The following RAB38 variants were observed in gnomAD, a reference collection of about 807,000 sequenced individuals.
RAB38 encodes RAB38, member RAS oncogene family, also known as ras-related protein Rab-38.
Under a neutral mutation model 18.4 loss-of-function variants are expected in RAB38, and 15 were observed. The observed-to-expected ratio is 0.82, with a 90% CI of 0.55 to 1.26. The LOEUF (loss-of-function observed/expected upper bound fraction) is 1.26. Among genes scored for constraint, RAB38 ranks in the 50% most tolerant of loss-of-function variants. The pLI, the probability that RAB38 is intolerant of heterozygous loss-of-function variation, is 0.00. For synonymous variants in RAB38, 101 were observed against 104.4 expected (o/e 0.97, Z 0.20); for missense variants, 294 against 267.4 (o/e 1.10, Z -0.69).
the RAB38 span, among the ~76,000 whole-genome samples, chr11:87,887,501 C>T: frequency 3.3e-5 from 5 of 152,032 alleles, no homozygotes; most frequent in South Asian, 8.3e-4. Context: ...AGTCTGAGCA[C>T]CCTGGGTTAA....
At chr11:88,078,306 A>G in the RAB38 span, among the ~76,000 whole-genome samples, 2 of 152,024 alleles carry the variant, frequency 1.3e-5, no homozygotes, top group Non-Finnish European at 2.9e-5. Flanking sequence ...CATCAGTTCC[A>G]CTACTGGTTA....
chr11:88,052,909 TATATATATATATATATATATATATA>T, the RAB38 span, among the ~76,000 whole-genome samples: 2 of 17,362 alleles, frequency 1.2e-4, no homozygotes, highest in East Asian at 2.7e-3. Context: ...TTCATATATA[TATATATATATATATATATATATATA>T]TATATATATA....
At chr11:88,057,179 G>A in the RAB38 span, among the ~76,000 whole-genome samples, 1 of 152,202 alleles carries the variant, frequency 6.6e-6, no homozygotes, top group African/African-American at 2.4e-5. Context: ...TGCACAGAAA[G>A]TGAGCTAAAA....
the RAB38 span, among the ~76,000 whole-genome samples, chr11:87,808,689 T>C: frequency 6.6e-6 from 1 of 152,222 alleles, no homozygotes; most frequent in Non-Finnish European, 1.5e-5. Context: ...ATAAAGCATA[T>C]GTTAATTAGC....
At chr11:88,139,398 G>C (rs1470603652) in intron 2 of RAB38, among the ~76,000 whole-genome samples, 1 of 152,124 alleles carries the variant, frequency 6.6e-6, no homozygotes, top group Admixed American at 6.5e-5. Context: ...GGGGGTAACA[G>C]CTTTTTCTTC....
At chr11:87,864,328 AAT>A in the RAB38 span, among the ~76,000 whole-genome samples, 1 of 149,932 alleles carries the variant, frequency 6.7e-6, no homozygotes, top group African/African-American at 2.4e-5. Flanking sequence ...TATTTATATT[AAT>A]ATGTTATATA....
chr11:87,946,037 G>A, the RAB38 span, among the ~76,000 whole-genome samples: 1 of 152,096 alleles, frequency 6.6e-6, no homozygotes, highest in Non-Finnish European at 1.5e-5. Flanking sequence ...ACTTGCCCAA[G>A]TTCACACATG....
chr11:87,965,292 T>TAAA, the RAB38 span, among the ~76,000 whole-genome samples: 16 of 146,798 alleles, frequency 1.1e-4, no homozygotes, highest in Admixed American at 1.4e-4. Context: ...TGTGTCTCAA[T>TAAA]AAAAAAAAAA....
the RAB38 span, among the ~76,000 whole-genome samples, chr11:87,902,095 A>G: frequency 1.3e-5 from 2 of 151,504 alleles, no homozygotes; most frequent in Non-Finnish European, 3.0e-5. Flanking sequence ...GAAAAGGATG[A>G]GTATTAATAA....
At chr11:88,008,109 A>G in the RAB38 span, among the ~76,000 whole-genome samples, 2 of 152,178 alleles carry the variant, frequency 1.3e-5, no homozygotes, top group Non-Finnish European at 2.9e-5. Context: ...AACTTTCAGA[A>G]GAAAGAAAAA....
rs187178996 is a variant in RAB38 at position 88,158,781 on chromosome 11, G to C, written c.203-8826C>G. ...AGGAACATGCCTCAACATAATAAGA[G>C]TGATCGATGACAAACCCACAGTCAA... On this transcript the variant is annotated intron_variant, in intron 1 of 2. Coordinates refer to ENST00000243662, the MANE Select transcript of RAB38 (RefSeq NM_022337.3). Among the ~76,000 whole-genome samples, 21 of 152,082 alleles carry C rather than the reference G, an allele frequency of 1.4e-4. No individual in the cohort carries two copies. In the East Asian group the frequency reaches 3.9e-3, roughly 28 times the overall value.
chr11:88,073,830 T>C, the RAB38 span, among the ~76,000 whole-genome samples: 1 of 151,618 alleles, frequency 6.6e-6, no homozygotes, highest in Non-Finnish European at 1.5e-5. Flanking sequence ...ATTGAAGAGA[T>C]TGAATAATTT....
the RAB38 span, among the ~76,000 whole-genome samples, chr11:87,833,339 T>G: frequency 6.6e-6 from 1 of 152,190 alleles, no homozygotes; most frequent in Admixed American, 6.6e-5. Context: ...CTCCTGAGTC[T>G]TTTCCCATCT....
the RAB38 span, among the ~76,000 whole-genome samples, chr11:87,806,588 GA>G: frequency 3.3e-5 from 5 of 151,896 alleles, no homozygotes; most frequent in Non-Finnish European, 4.4e-5. Flanking sequence ...AGAAATTAGG[GA>G]AAAAAATTCC....
chr11:87,806,751 A>G, the RAB38 span, among the ~76,000 whole-genome samples: 4 of 152,214 alleles, frequency 2.6e-5, 1 homozygote, highest in South Asian at 8.3e-4. Flanking sequence ...CAAGTATTTT[A>G]TTGTTTATTA....
chr11:88,005,063 T>C, the RAB38 span, among the ~76,000 whole-genome samples: 59 of 151,546 alleles, frequency 3.9e-4, no homozygotes, highest in South Asian at 0.012. Context: ...CCCAAAGCAA[T>C]TGATGAATCT....
the RAB38 span, among the ~76,000 whole-genome samples, chr11:88,016,490 T>C: frequency 1.3e-5 from 2 of 152,108 alleles, no homozygotes; most frequent in Non-Finnish European, 2.9e-5. Context: ...ATTAACTTCT[T>C]CCTGGGGGAA....
chr11:88,028,876 G>A, the RAB38 span, among the ~76,000 whole-genome samples: 763 of 152,238 alleles, frequency 5.0e-3, 3 homozygotes, highest in Non-Finnish European at 8.7e-3. Flanking sequence ...GAAATATAGA[G>A]AATGCCACAA....
the RAB38 span, among the ~76,000 whole-genome samples, chr11:88,014,489 T>C: frequency 2.0e-4 from 30 of 152,152 alleles, no homozygotes; most frequent in Non-Finnish European, 4.3e-4. Flanking sequence ...GCAAAATGAC[T>C]TTCTCAAAGT....
Sources: gnomAD v4.1 joint callset for allele counts (sites outside exome capture counted in the v4.1 genomes callset) on GRCh38, gnomAD v4.1.1 for gene constraint, MANE v1.5 for transcripts, NCBI Gene and HGNC (gene_info 2026-07-23, HGNC 2026-07-21) for gene names.